Variants in LMX1A observed in about 807,000 individuals in gnomAD.
The protein encoded by LMX1A is LIM homeobox transcription factor 1 alpha.
LMX1A carries 15 observed loss-of-function variants against 49.1 expected under a neutral mutation model. The observed-to-expected ratio is 0.31, with a 90% CI of 0.20 to 0.47. LMX1A has a LOEUF of 0.47. LMX1A is among the 20% of genes least tolerant of loss of function. LMX1A has a pLI of 1.00. For synonymous variants in LMX1A, 167 were observed against 185.7 expected, an observed-to-expected ratio of 0.90 and a Z score of 0.82; for missense variants, 372 against 475.8, an observed-to-expected ratio of 0.78 and a Z score of 2.03.
rs559263629 is a variant in LMX1A, at chr1:165,232,421, A to T, written c.496+16987T>A. Among the ~76,000 whole-genome samples the T allele has an allele frequency of 2.0e-5, 3 of 152,332 alleles. No individual in the cohort carries two copies. The East Asian group carries it at 5.8e-4, about 29-fold the overall frequency. ...AACCAGGGCTCAATGGATCTCCCTT[A>T]CATGTAATATGGAATAGGCATACAG... On this transcript the variant is annotated intron_variant, in intron 4 of 8. Coordinates refer to ENST00000342310, the MANE Select transcript of LMX1A (RefSeq NM_177398.4).
chr1:165,345,005 C>A (rs539616420), intron 3 of LMX1A, among the ~76,000 whole-genome samples: 2 of 152,254 alleles, frequency 1.3e-5, no homozygotes, highest in African/African-American at 4.8e-5. Context: ...AGACAGGGGG[C>A]CTATTTCTGG....
intron 3 of LMX1A, among the ~76,000 whole-genome samples, chr1:165,289,605 G>A (rs775402002): frequency 3.2e-4 from 49 of 152,256 alleles, no homozygotes; most frequent in Non-Finnish European, 6.2e-4. Context: ...TAGTCATTAG[G>A]TGCACACATT....
chr1:165,208,093 CTTGCTG>C lies in LMX1A; in HGVS notation c.781_786del (p.Gln261_Gln262del), dbSNP rs1557847666. The C allele has an allele frequency of 6.2e-7, 1 of 1,614,076 alleles. No homozygotes were observed. The highest frequency in any genetic ancestry group is 8.5e-7 in the Non-Finnish European group (1 of 1,180,018). ...CTCAGCCTCTGGGTGTTCTGCTGAT[CTTGCTG>C]CTGCTGCTGCTGTCGCCTGGCCAGC... On this transcript the variant is annotated inframe_deletion, in exon 7 of 9. Coordinates refer to ENST00000342310, the MANE Select transcript of LMX1A (RefSeq NM_177398.4).
intron 3 of LMX1A, among the ~76,000 whole-genome samples, chr1:165,351,294 T>A (rs1345418638): frequency 6.6e-6 from 1 of 152,120 alleles, no homozygotes; most frequent in Non-Finnish European, 1.5e-5. Context: ...AGCAGAAAGT[T>A]AAAGATTGGG....
chr1:165,242,343 A>G (rs1484484168), intron 4 of LMX1A, among the ~76,000 whole-genome samples: 1 of 152,120 alleles, frequency 6.6e-6, no homozygotes, highest in Non-Finnish European at 1.5e-5. Flanking sequence ...CCTCTGGGAA[A>G]ATCCCTCTAC....
intron 3 of LMX1A, among the ~76,000 whole-genome samples, chr1:165,259,496 C>A (rs969461151): frequency 1.3e-5 from 2 of 152,202 alleles, no homozygotes; most frequent in African/African-American, 4.8e-5. Context: ...CATTTTGGTT[C>A]TCATATGACT....
intron 4 of LMX1A, among the ~76,000 whole-genome samples, chr1:165,240,179 A>C (rs981281803): frequency 3.3e-5 from 5 of 152,236 alleles, no homozygotes; most frequent in Non-Finnish European, 4.4e-5. Flanking sequence ...TTATGATAAA[A>C]AATGTATTTT....
intron 3 of LMX1A, among the ~76,000 whole-genome samples, chr1:165,270,005 T>C (rs1653748530): frequency 1.3e-5 from 2 of 151,990 alleles, no homozygotes; most frequent in Non-Finnish European, 2.9e-5. Context: ...CGTTTACTTA[T>C]GTAACAAACC....
chr1:165,342,711 C>T (rs1345289985), intron 3 of LMX1A, among the ~76,000 whole-genome samples: 1 of 152,058 alleles, frequency 6.6e-6, no homozygotes, highest in Non-Finnish European at 1.5e-5. Context: ...CCACAGAATA[C>T]TATAAACAGC....
At chr1:165,316,220 C>G (rs1655221712) in intron 3 of LMX1A, among the ~76,000 whole-genome samples, 1 of 152,204 alleles carries the variant, frequency 6.6e-6, no homozygotes, top group Non-Finnish European at 1.5e-5. Context: ...AGACACAGTG[C>G]ACACAGGCAT....
chr1:165,273,283 G>A (rs965776182), intron 3 of LMX1A, among the ~76,000 whole-genome samples: 3 of 152,180 alleles, frequency 2.0e-5, no homozygotes, highest in Non-Finnish European at 2.9e-5. Context: ...GCCCTTCCAA[G>A]AAGTGACTAG....
At chr1:165,229,784 G>A (rs1318967152) in intron 4 of LMX1A, among the ~76,000 whole-genome samples, 2 of 152,098 alleles carry the variant, frequency 1.3e-5, no homozygotes, top group African/African-American at 4.8e-5. Context: ...GTAAATACAT[G>A]AGGGCTCTTT....
Position 165,355,364 on chromosome 1 carries a change from TA to T in LMX1A, c.76+119del. The T allele has an allele frequency of 1.1e-6, 1 of 877,100 alleles. No homozygotes were observed. 54.3% of individuals were successfully genotyped at this position (877,100 alleles called of 1,614,324 possible). A position where few individuals can be genotyped will look rare whatever the true frequency, so the allele number is the denominator to read the frequency against. On this transcript the variant is annotated intron_variant, in intron 2 of 8. Transcript: ENST00000342310. The surrounding 1 kb of genome is among the most constrained non-coding windows in gnomAD (Gnocchi z 4.7). ...GGACAGATAGTGATGGGGCTCAATT[TA>T]GTGTATGAAGAGGGGCGCTAGCTTC...
rs978453843 is a variant in LMX1A at position 165,355,243 on chromosome 1, C to T, written c.76+241G>A. On this transcript the variant is annotated intron_variant, in intron 2 of 8. Coordinates refer to ENST00000342310, the MANE Select transcript of LMX1A (RefSeq NM_177398.4). This position sits in a 1 kb window ranked among gnomAD's most constrained non-coding sequence, Gnocchi z 4.7. Reference sequence around the variant, plus strand: ...TCAGACGCCTACGAACAAGCTCGCCCGCCCCTCGCGGCTTTGGGGAATTCG... The same window carrying T: ...TCAGACGCCTACGAACAAGCTCGCCTGCCCCTCGCGGCTTTGGGGAATTCG... Among the ~76,000 whole-genome samples the T allele has an allele frequency of 2.6e-5, 4 of 152,126 alleles. No individual in the cohort carries two copies. Among genetic ancestry groups the T allele is most frequent in the Admixed American group, 1.3e-4 (2 of 15,266 alleles).
chr1:165,278,567 C>T (rs1654041854), intron 3 of LMX1A, among the ~76,000 whole-genome samples: 1 of 152,146 alleles, frequency 6.6e-6, no homozygotes, highest in Non-Finnish European at 1.5e-5. Flanking sequence ...TCTCTCTTCT[C>T]TCTTCCCCAT....
At position 165,356,664 on chromosome 1, in the gene LMX1A, G is replaced by C. The variant is rs1248157888; in HGVS notation, c.-332C>G. 1 of 153,550 alleles carries C rather than the reference G, an allele frequency of 6.5e-6. No homozygotes were observed. The highest frequency in any genetic ancestry group is 1.5e-5 in the Non-Finnish European group (1 of 68,862). The allele number at this position is 153,550 out of a possible 1,614,324, so 9.5% of individuals were successfully genotyped here. On this transcript the variant is annotated 5_prime_UTR_variant, in exon 1 of 9. Coordinates refer to ENST00000342310, the MANE Select transcript of LMX1A (RefSeq NM_177398.4). ...GCTAGGAGGGAAGGCAGAGGCCCAG[G>C]GTCCTGGGTGCGAGTCGGCCCTGCT...
intron 3 of LMX1A, among the ~76,000 whole-genome samples, chr1:165,291,745 G>A (rs1355533518): frequency 6.6e-6 from 1 of 152,078 alleles, no homozygotes; most frequent in Non-Finnish European, 1.5e-5. Context: ...AGCAAAGCTG[G>A]GATTTAAACC....
At chr1:165,211,112 T>A (rs190396851) in intron 5 of LMX1A, 1 of 190,154 alleles carries the variant, frequency 5.3e-6, no homozygotes, top group Non-Finnish European at 1.1e-5. Context: ...TGCATATGCA[T>A]TGACCTACTT....
chr1:165,321,513 T>A (rs1053922398), intron 3 of LMX1A, among the ~76,000 whole-genome samples: 2 of 152,202 alleles, frequency 1.3e-5, no homozygotes, highest in Non-Finnish European at 2.9e-5. Flanking sequence ...TCTGTTTCAC[T>A]CTAAAGATAA....
Sources: allele counts gnomAD v4.1 joint callset (sites outside exome capture counted in the v4.1 genomes callset), GRCh38; gene constraint gnomAD v4.1.1; non-coding constraint Gnocchi (gnomAD v3.1); transcripts MANE v1.5; gene names NCBI Gene and HGNC (gene_info 2026-07-23, HGNC 2026-07-21).